Variants in MYOZ2 observed in about 807,000 individuals in gnomAD.
MYOZ2 encodes myozenin 2.
In MYOZ2, 19 loss-of-function variants were observed where a neutral mutation model predicts 25.4. The observed-to-expected ratio is 0.75, with a 90% confidence interval of 0.52 to 1.10. The LOEUF (loss-of-function observed/expected upper bound fraction) is 1.10. Among genes scored for constraint, MYOZ2 ranks in the 50% least tolerant of loss-of-function variants. MYOZ2 has a pLI of 0.00. For missense variants in MYOZ2, 270 were observed against 317.9 expected (o/e 0.85, Z 1.15); for synonymous variants, 92 against 106.9 (o/e 0.86, Z 0.86).
At chr4:119,178,127 T>A (rs1742116293) in intron 5 of MYOZ2, among the ~76,000 whole-genome samples, 1 of 152,202 alleles carries the variant, frequency 6.6e-6, no homozygotes, top group African/African-American at 2.4e-5. Flanking sequence ...GTATGTGAAA[T>A]GGCTGATCAT....
At chr4:119,175,268 A>C (rs1476050948) in intron 5 of MYOZ2, among the ~76,000 whole-genome samples, 1 of 152,190 alleles carries the variant, frequency 6.6e-6, no homozygotes, top group Non-Finnish European at 1.5e-5. Flanking sequence ...AAAGGGGAAA[A>C]GCAATCCACT....
chr4:119,142,719 T>G (rs1741185035), intron 2 of MYOZ2, among the ~76,000 whole-genome samples: 2 of 152,362 alleles, frequency 1.3e-5, no homozygotes, highest in South Asian at 4.1e-4. Flanking sequence ...GGAAGAAGTA[T>G]AAAAATTTTT....
At chr4:119,142,677 A>G (rs1257098326) in intron 2 of MYOZ2, among the ~76,000 whole-genome samples, 1 of 152,244 alleles carries the variant, frequency 6.6e-6, no homozygotes, top group African/African-American at 2.4e-5. Flanking sequence ...GGGATACTAG[A>G]GAGCCAGACA....
rs6853794 is a variant in MYOZ2, at chr4:119,150,771, T to C, written c.77-101T>C. On this transcript the variant is annotated intron_variant, in intron 2 of 5. Transcript: ENST00000307128. ...AGAAAATAAATGACATACTTATGAT[T>C]ATGCAATTAGAAAGTGGTGGAATTT... 0.97 allele frequency: 1,132,571 copies of C among 1,166,410 alleles called. 550,002 individuals carry two copies. Among genetic ancestry groups the C allele is most frequent in the East Asian group, 0.99 (39,570 of 40,118 alleles). 72.3% of individuals were successfully genotyped at this position (1,166,410 alleles called of 1,614,324 possible).
intron 5 of MYOZ2, among the ~76,000 whole-genome samples, chr4:119,175,195 C>A (rs1044864772): frequency 6.6e-6 from 1 of 151,686 alleles, no homozygotes; most frequent in Non-Finnish European, 1.5e-5. Flanking sequence ...GAAATGTTTT[C>A]ATTTATAAGA....
chr4:119,174,443 C>T (rs1378503754), intron 5 of MYOZ2, among the ~76,000 whole-genome samples: 1 of 152,146 alleles, frequency 6.6e-6, no homozygotes, highest in Non-Finnish European at 1.5e-5. Context: ...ACCTTTATGT[C>T]TAGTTCAGGG....
intron 5 of MYOZ2, among the ~76,000 whole-genome samples, chr4:119,171,733 CTGATTAT>C (rs1415491744): frequency 1.3e-5 from 2 of 148,560 alleles, no homozygotes; most frequent in Non-Finnish European, 3.0e-5. Flanking sequence ...ATTTTATTTT[CTGATTAT>C]TAAATAATTT....
intron 2 of MYOZ2, among the ~76,000 whole-genome samples, chr4:119,147,517 G>A: frequency 6.6e-6 from 1 of 152,010 alleles, no homozygotes; most frequent in Non-Finnish European, 1.5e-5. Context: ...GAGGTGGGCG[G>A]ATCACTTGAG....
At chr4:119,147,740 T>C (rs1469085533) in intron 2 of MYOZ2, among the ~76,000 whole-genome samples, 1 of 59,490 alleles carries the variant, frequency 1.7e-5, no homozygotes, top group Non-Finnish European at 5.3e-5. Context: ...TAAGACTCTG[T>C]CTCAAAAAAA....
chr4:119,166,604 A>G (rs1397175847), intron 5 of MYOZ2, among the ~76,000 whole-genome samples: 1 of 152,096 alleles, frequency 6.6e-6, no homozygotes, highest in Non-Finnish European at 1.5e-5. Flanking sequence ...AAAACAACTA[A>G]ACAGTATACA....
intron 5 of MYOZ2, among the ~76,000 whole-genome samples, chr4:119,183,091 G>A (rs1340638186): frequency 6.6e-6 from 1 of 152,084 alleles, no homozygotes; most frequent in East Asian, 1.9e-4. Flanking sequence ...CACAATATTA[G>A]AGAATCTATA....
At chr4:119,172,284 C>T (rs1490255754) in intron 5 of MYOZ2, among the ~76,000 whole-genome samples, 5 of 152,194 alleles carry the variant, frequency 3.3e-5, no homozygotes, top group Admixed American at 3.3e-4. Context: ...GTTTAATTCA[C>T]GCAGAGCTGG....
intron 5 of MYOZ2, among the ~76,000 whole-genome samples, chr4:119,181,991 T>A: frequency 6.6e-6 from 1 of 152,174 alleles, no homozygotes; most frequent in Admixed American, 6.5e-5. Context: ...AATTTTCAAA[T>A]CAACATTATA....
intron 3 of MYOZ2, among the ~76,000 whole-genome samples, chr4:119,151,659 A>G (rs1741452403): frequency 6.6e-6 from 1 of 152,218 alleles, no homozygotes; most frequent in African/African-American, 2.4e-5. Context: ...TTAAACTGTC[A>G]TTTAAAGAGA....
At chr4:119,184,954 A>T (rs1742260698) in intron 5 of MYOZ2, among the ~76,000 whole-genome samples, 1 of 152,210 alleles carries the variant, frequency 6.6e-6, no homozygotes, top group South Asian at 2.1e-4. Context: ...AGAACAATTG[A>T]TGCTGCAGGA....
intron 3 of MYOZ2, among the ~76,000 whole-genome samples, chr4:119,156,177 G>A (rs565340479): frequency 6.6e-6 from 1 of 152,024 alleles, no homozygotes; most frequent in African/African-American, 2.4e-5. Flanking sequence ...AAGGGAAGGG[G>A]TGTTTTTTAA....
chr4:119,158,217 T>C lies in MYOZ2; in HGVS notation c.376+66T>C, dbSNP rs12331844. ...GTACCTAATGATATGACTCAAGGCA[T>C]TTAAAGCCTTTATTGAATAGTATTT... is the stretch of plus-strand genomic sequence containing the variant. On this transcript the variant is annotated intron_variant, in intron 4 of 5. Coordinates refer to ENST00000307128, the MANE Select transcript of MYOZ2 (RefSeq NM_016599.5). The C allele has an allele frequency of 7.1e-4, 1,114 of 1,571,346 alleles. 11 individuals carry two copies. The African/African-American group carries it at 0.014, about 19-fold the overall frequency.
At chr4:119,157,766 G>A (rs891302749) in intron 3 of MYOZ2, among the ~76,000 whole-genome samples, 3 of 152,220 alleles carry the variant, frequency 2.0e-5, no homozygotes, top group South Asian at 4.1e-4. Flanking sequence ...CTGGCACACA[G>A]TAAGTCTCAA....
chr4:119,182,959 T>C (rs1404750759), intron 5 of MYOZ2, among the ~76,000 whole-genome samples: 1 of 152,166 alleles, frequency 6.6e-6, no homozygotes, highest in Non-Finnish European at 1.5e-5. Context: ...TAGCAGACTA[T>C]ACATATTTAT....
Sources: gnomAD v4.1 joint callset for allele counts (sites outside exome capture counted in the v4.1 genomes callset) on GRCh38, gnomAD v4.1.1 for gene constraint, MANE v1.5 for transcripts, NCBI Gene and HGNC (gene_info 2026-07-23, HGNC 2026-07-21) for gene names.